The following LRRC37A2 variants were observed in gnomAD, a reference collection of about 807,000 sequenced individuals.
LRRC37A2 encodes leucine-rich repeat-containing protein 37A2.
LRRC37A2 carries 9 observed loss-of-function variants against 68.8 expected under a neutral mutation model. The observed-to-expected ratio is 0.13, with a 90% CI of 0.08 to 0.23. LRRC37A2 has a LOEUF of 0.23. LRRC37A2 is among the 10% of genes least tolerant of loss of function. LRRC37A2 has a pLI of 1.00. For missense variants in LRRC37A2, 168 were observed against 950.4 expected (o/e 0.18, Z 10.82); for synonymous variants, 63 against 367.6 (o/e 0.17, Z 9.48).
chr17:47,018,939 C>T, the LRRC37A2 span: 16 of 1,519,898 alleles, frequency 1.1e-5, no homozygotes, highest in East Asian at 9.0e-5. Context: ...ACCCCAACTT[C>T]GAATATATCA....
At chr17:46,775,660 C>T in the LRRC37A2 span, among the ~76,000 whole-genome samples, 2 of 142,126 alleles carry the variant, frequency 1.4e-5, no homozygotes, top group Admixed American at 1.5e-4. Flanking sequence ...GTCACCCAGG[C>T]TGGAATGCAG....
the LRRC37A2 span, among the ~76,000 whole-genome samples, chr17:47,036,936 C>G: frequency 1.2e-5 from 1 of 84,276 alleles, no homozygotes; most frequent in Non-Finnish European, 2.6e-5. Context: ...CCCAAATGCC[C>G]AACCTAACTG....
the LRRC37A2 span, among the ~76,000 whole-genome samples, chr17:46,995,089 C>G: frequency 1.5e-4 from 23 of 152,320 alleles, no homozygotes; most frequent in East Asian, 4.4e-3. Context: ...AGCCACTGCC[C>G]TCCAGTCTGG....
chr17:46,951,085 G>A, the LRRC37A2 span, among the ~76,000 whole-genome samples: 1 of 152,316 alleles, frequency 6.6e-6, no homozygotes, highest in Middle Eastern at 3.4e-3. Flanking sequence ...CAGGGTGGCA[G>A]GAGCCACGCC....
chr17:46,938,912 C>T, the LRRC37A2 span: 2 of 1,523,744 alleles, frequency 1.3e-6, no homozygotes, highest in African/African-American at 1.4e-5. Context: ...TAATTTCCAA[C>T]CTGCTCTGTT....
At chr17:46,771,663 C>T in the LRRC37A2 span, among the ~76,000 whole-genome samples, 4 of 144,278 alleles carry the variant, frequency 2.8e-5, no homozygotes, top group South Asian at 6.3e-4. Context: ...GCCGGGCCGG[C>T]CGCCACCGCG....
At chr17:46,497,743 C>G in the LRRC37A2 span, among the ~76,000 whole-genome samples, 1 of 95,298 alleles carries the variant, frequency 1.0e-5, no homozygotes, top group South Asian at 4.9e-4. Flanking sequence ...TATATATCTA[C>G]ATACATATAC....
chr17:46,929,576 C>A, the LRRC37A2 span: 1 of 1,501,724 alleles, frequency 6.7e-7, no homozygotes, highest in Non-Finnish European at 9.3e-7. Flanking sequence ...GACAAGCAGT[C>A]TGTGCACAGT....
the LRRC37A2 span, among the ~76,000 whole-genome samples, chr17:46,881,446 C>G: frequency 6.6e-6 from 1 of 152,184 alleles, no homozygotes; most frequent in South Asian, 2.1e-4. Context: ...GGTGGACACC[C>G]TTCTTCTTTT....
chr17:46,973,579 A>G, the LRRC37A2 span, among the ~76,000 whole-genome samples: 2 of 152,150 alleles, frequency 1.3e-5, no homozygotes, highest in African/African-American at 2.4e-5. Context: ...TAATAGAACT[A>G]TGACTGCAAG....
chr17:46,894,230 T>C, the LRRC37A2 span, among the ~76,000 whole-genome samples: 1 of 152,208 alleles, frequency 6.6e-6, no homozygotes, highest in Non-Finnish European at 1.5e-5. Context: ...TACAAAGTGC[T>C]GAAGATGCAG....
the LRRC37A2 span, among the ~76,000 whole-genome samples, chr17:46,907,258 C>A: frequency 6.6e-6 from 1 of 152,216 alleles, no homozygotes; most frequent in Non-Finnish European, 1.5e-5. Flanking sequence ...GGGGCTCTTC[C>A]GGGCCCAGCT....
the LRRC37A2 span, among the ~76,000 whole-genome samples, chr17:46,865,127 G>T: frequency 2.0e-5 from 3 of 152,180 alleles, no homozygotes; most frequent in African/African-American, 7.2e-5. Flanking sequence ...CCTCTCCTTG[G>T]CTTCAGCCCG....
chr17:46,709,526 G>T, the LRRC37A2 span, among the ~76,000 whole-genome samples: 2 of 150,342 alleles, frequency 1.3e-5, no homozygotes, highest in African/African-American at 2.5e-5. Flanking sequence ...ATGGAGTCTT[G>T]CTGTGTCTCC....
the LRRC37A2 span, among the ~76,000 whole-genome samples, chr17:46,734,552 T>C: frequency 1.3e-5 from 2 of 152,244 alleles, no homozygotes; most frequent in Non-Finnish European, 2.9e-5. Flanking sequence ...TGTGTGTGTA[T>C]ATATACATAT....
At chr17:46,829,359 AG>A in the LRRC37A2 span, among the ~76,000 whole-genome samples, 1 of 152,032 alleles carries the variant, frequency 6.6e-6, no homozygotes, top group Non-Finnish European at 1.5e-5. Flanking sequence ...TAGTAGAGAA[AG>A]GGTTTCACCA....
chr17:46,909,298 C>T, the LRRC37A2 span, among the ~76,000 whole-genome samples: 2 of 152,070 alleles, frequency 1.3e-5, no homozygotes, highest in African/African-American at 2.4e-5. Context: ...CCCAAAGTGC[C>T]GGGATTGCAG....
chr17:46,972,616 G>T, the LRRC37A2 span, among the ~76,000 whole-genome samples: 10 of 152,226 alleles, frequency 6.6e-5, no homozygotes, highest in Non-Finnish European at 1.3e-4. Flanking sequence ...CAACATACAG[G>T]TTCCATGTCC....
At chr17:46,746,001 T>G in the LRRC37A2 span, among the ~76,000 whole-genome samples, 4 of 152,214 alleles carry the variant, frequency 2.6e-5, no homozygotes, top group Non-Finnish European at 5.9e-5. Context: ...ACTCAACTCA[T>G]GTATCATCTC....
Sources: gnomAD v4.1 joint callset for allele counts (sites outside exome capture counted in the v4.1 genomes callset) on GRCh38, gnomAD v4.1.1 for gene constraint, MANE v1.5 for transcripts, NCBI Gene and HGNC (gene_info 2026-07-23, HGNC 2026-07-21) for gene names.